The following RAI14 variants were observed in gnomAD, a reference collection of about 807,000 sequenced individuals.
RAI14 encodes retinoic acid induced 14, also known as ankycorbin.
In RAI14, 45 loss-of-function variants were observed where a neutral mutation model predicts 115.4. The observed-to-expected ratio is 0.39, with a 90% confidence interval of 0.31 to 0.50. RAI14 has a LOEUF of 0.50. Ranked by LOEUF, RAI14 falls within the 20% of genes least tolerant of loss-of-function variation. The pLI is 0.85. For missense variants in RAI14, 939 were observed against 1,131.2 expected, an observed-to-expected ratio of 0.83 and a Z score of 2.44; for synonymous variants, 371 against 415.4, an observed-to-expected ratio of 0.89 and a Z score of 1.30.
chr5:34,663,081 C>T (rs1450075268), intron 1 of RAI14, among the ~76,000 whole-genome samples: 1 of 152,076 alleles, frequency 6.6e-6, no homozygotes, highest in African/African-American at 2.4e-5. Flanking sequence ...CTGAAAAGTA[C>T]AGGTGGTTCA....
chr5:34,818,689 A>T, intron 12 of RAI14, 108 bp from the exon 13 acceptor site: 1 of 764,538 alleles, frequency 1.3e-6, no homozygotes, highest in Non-Finnish European at 2.1e-6. Context: ...TTCTAGTAGG[A>T]TCATACCAGA....
At position 34,807,878 on chromosome 5, in the gene RAI14, T is replaced by C. The variant is rs376381058; in HGVS notation, c.379+21T>C. 72 of 1,588,844 alleles carry C rather than the reference T, an allele frequency of 4.5e-5. No individual in the cohort carries two copies. The African/African-American group carries it at 9.5e-4, about 21-fold the overall frequency. On this transcript the variant is annotated intron_variant, in intron 6 of 17. Transcript: ENST00000265109. The stretch of plus-strand genomic sequence containing the variant: ...TGCAGGTAACTTTCATTCTCCTATT[T>C]GTCTTCTTCTGCCATTAGAAACACC...
At chr5:34,763,594 A>T (rs1748967232) in intron 3 of RAI14, among the ~76,000 whole-genome samples, 1 of 152,194 alleles carries the variant, frequency 6.6e-6, no homozygotes, top group Non-Finnish European at 1.5e-5. Context: ...TGGCCTCAAG[A>T]TGCATAACAC....
Position 34,686,886 on chromosome 5 carries a change from CCT to C in RAI14, c.-31_-30del, listed in dbSNP as rs1225782980. On this transcript the variant is annotated 5_prime_UTR_variant, in exon 2 of 18. Coordinates refer to ENST00000265109, the MANE Select transcript of RAI14 (RefSeq NM_015577.3). The stretch of plus-strand genomic sequence containing the variant: ...TCTCTGCTTAGGTGTTGAAAAGTCT[CCT>C]CTAGAGCTTTGGAAGGCTGAATGCA... 3.7e-6 allele frequency: 6 copies of C among 1,611,996 alleles called. No homozygotes were observed. Among genetic ancestry groups the C allele is most frequent in the Non-Finnish European group, 5.1e-6 (6 of 1,178,662 alleles).
At chr5:34,795,508 TTTC>T (rs1322407041) in intron 3 of RAI14, among the ~76,000 whole-genome samples, 1 of 152,160 alleles carries the variant, frequency 6.6e-6, no homozygotes, top group Non-Finnish European at 1.5e-5. Context: ...TAGACAAGAT[TTTC>T]TTTTTAGAGC....
In RAI14 at chr5:34,788,152, C is replaced by T. The variant is rs185045314; in HGVS notation, c.168-7787C>T. On this transcript the variant is annotated intron_variant, in intron 3 of 17. Transcript: ENST00000265109. Reference sequence around the variant, plus strand: ...CAGGCTGGTCTTGAACTCCTGGGCTCAAGCAATCTGCCTTCCTCCGCCTCC... The same window carrying T: ...CAGGCTGGTCTTGAACTCCTGGGCTTAAGCAATCTGCCTTCCTCCGCCTCC... 2.6e-5 allele frequency among the ~76,000 whole-genome samples: 4 copies of T among 152,064 alleles called. No individual in the cohort carries two copies. The East Asian group carries it at 7.7e-4, about 29-fold the overall frequency.
chr5:34,824,130 T>C lies in RAI14; in HGVS notation c.2288T>C (p.Val763Ala). 1.2e-6 allele frequency: 2 copies of C among 1,613,858 alleles called. No individual in the cohort carries two copies. Residue 763 changes from valine to alanine, a missense_variant, in exon 15 of 18, where the codon GTG (valine) becomes GCG (alanine). Val to Ala is a moderately conservative substitution (Grantham distance 64). Coordinates refer to ENST00000265109, the MANE Select transcript of RAI14 (RefSeq NM_015577.3). The stretch of plus-strand genomic sequence containing the variant: ...AAGGAACACCTTGCAAGCAAGGAAG[T>C]GGAAGTAGCAAAGCTGGAGAAACAA... ...NLKEHLASKE[V>A]EVAKLEKQLL...
At chr5:34,793,972 C>A (rs1350841956) in intron 3 of RAI14, among the ~76,000 whole-genome samples, 1 of 152,126 alleles carries the variant, frequency 6.6e-6, no homozygotes, top group Non-Finnish European at 1.5e-5. Context: ...GGCTGGGAAA[C>A]TTTTAGAAAC....
rs200811561 is a variant in RAI14, at chr5:34,796,002, G to A, written c.231G>A (p.Val77=). The part of the protein sequence containing the change: ...ECLRVMITHG[V]DVTAQDTTGH... Reference sequence around the variant, plus strand: ...TCAGGGTCATGATTACACATGGTGTGGATGTGACAGCCCAAGATACTACCG... The same window carrying A: ...TCAGGGTCATGATTACACATGGTGTAGATGTGACAGCCCAAGATACTACCG... Residue 77 remains valine (V), a synonymous_variant, in exon 4 of 18, where the codon GTG becomes GTA. Coordinates refer to ENST00000265109, the MANE Select transcript of RAI14 (RefSeq NM_015577.3). The A allele has an allele frequency of 5.0e-6, 8 of 1,612,470 alleles. No homozygotes were observed. The East Asian group carries it at 1.6e-4, about 31-fold the overall frequency.
At chr5:34,755,745 A>G (rs899247725) in intron 2 of RAI14, among the ~76,000 whole-genome samples, 1 of 152,202 alleles carries the variant, frequency 6.6e-6, no homozygotes, top group African/African-American at 2.4e-5. Flanking sequence ...TTGAAAGCCC[A>G]GATAAAGAAC....
intron 2 of RAI14, among the ~76,000 whole-genome samples, chr5:34,707,124 G>A (rs1243418302): frequency 6.6e-6 from 1 of 152,220 alleles, no homozygotes; most frequent in Non-Finnish European, 1.5e-5. Context: ...TTACTTGTGT[G>A]TGACTCCTGC....
intron 3 of RAI14, among the ~76,000 whole-genome samples, chr5:34,777,968 A>G (rs940294023): frequency 7.2e-5 from 11 of 152,206 alleles, no homozygotes; most frequent in African/African-American, 2.7e-4. Context: ...GTTAGCAACA[A>G]TGTCTTGTCT....
At chr5:34,792,956 G>A (rs891386394) in intron 3 of RAI14, among the ~76,000 whole-genome samples, 1 of 152,086 alleles carries the variant, frequency 6.6e-6, no homozygotes, top group Non-Finnish European at 1.5e-5. Context: ...CCAGAATAGA[G>A]AAAAAAAGTC....
intron 13 of RAI14, among the ~76,000 whole-genome samples, chr5:34,820,384 A>G (rs1026027911): frequency 3.3e-5 from 5 of 152,224 alleles, no homozygotes; most frequent in African/African-American, 1.2e-4. Context: ...GTTCGAGACC[A>G]GCCTGGCCAA....
At chr5:34,817,806 C>T (rs1220134627) in intron 12 of RAI14, among the ~76,000 whole-genome samples, 1 of 152,000 alleles carries the variant, frequency 6.6e-6, no homozygotes, top group Non-Finnish European at 1.5e-5. Context: ...TTGTGGTTGC[C>T]TAGGAATGAT....
rs1757975367 is a variant in RAI14 at position 34,830,920 on chromosome 5, G to A, written c.*155G>A. 2.2e-6 allele frequency: 3 copies of A among 1,374,800 alleles called. No homozygotes were observed. The highest frequency in any genetic ancestry group is 2.9e-6 in the Non-Finnish European group (3 of 1,038,270). 85.2% of individuals were successfully genotyped at this position (1,374,800 alleles called of 1,614,324 possible). A position where few individuals can be genotyped will look rare whatever the true frequency, so the allele number is the denominator to read the frequency against. ...AAAGGTTTCTGAGGACTTCTCCCAG[G>A]AGAAGACTGCCCGCCTCAGAACTGC... On this transcript the variant is annotated 3_prime_UTR_variant, in exon 18 of 18. Transcript: ENST00000265109.
At position 34,717,058 on chromosome 5, in the gene RAI14, T is replaced by G. The variant is rs1032057943; in HGVS notation, c.36+30103T>G. Among the ~76,000 whole-genome samples, 3 of 152,340 alleles carry G rather than the reference T, an allele frequency of 2.0e-5. No individual in the cohort carries two copies. In the South Asian group the frequency reaches 6.2e-4, roughly 32 times the overall value. On this transcript the variant is annotated intron_variant, in intron 2 of 17. Transcript: ENST00000265109. ...AAATCTTAACTTGTATGTTTATATA[T>G]TCAGCATTATGTATGTGTATGTGCG...
At chr5:34,757,672 A>G in intron 3 of RAI14, 74 bp downstream of exon 3, 1 of 1,493,464 alleles carries the variant, frequency 6.7e-7, no homozygotes, top group Non-Finnish European at 8.9e-7. Flanking sequence ...CTTAGTATCC[A>G]TAGGGGAATT....
At chr5:34,735,624 A>C (rs1013615280) in intron 2 of RAI14, among the ~76,000 whole-genome samples, 11 of 152,268 alleles carry the variant, frequency 7.2e-5, no homozygotes, top group African/African-American at 2.2e-4. Flanking sequence ...TGTAGTCATC[A>C]TCTTGAAAAC....
Sources: gnomAD v4.1 joint callset for allele counts (sites outside exome capture counted in the v4.1 genomes callset) on GRCh38, gnomAD v4.1.1 for gene constraint, MANE v1.5 for transcripts, NCBI Gene and HGNC (gene_info 2026-07-23, HGNC 2026-07-21) for gene names.